The following ADAM12 variants were observed in gnomAD, a reference collection of about 807,000 sequenced individuals.
ADAM12 encodes ADAM metallopeptidase domain 12, also known as disintegrin and metalloproteinase domain-containing protein 12.
A neutral mutation model predicts 106.4 loss-of-function variants in ADAM12; 70 were observed. That is an observed-to-expected ratio of 0.66 (90% CI 0.54 to 0.80). ADAM12 has a LOEUF of 0.80. ADAM12 is among the 30% of genes least tolerant of loss of function. The pLI is 0.00. For synonymous variants in ADAM12, 420 were observed against 433.5 expected (o/e 0.97, Z 0.39); for missense variants, 1,010 against 1,171.9 (o/e 0.86, Z 2.02).
chr10:126,062,073 C>G (rs1954768425), intron 14 of ADAM12, among the ~76,000 whole-genome samples: 1 of 152,040 alleles, frequency 6.6e-6, no homozygotes, highest in Middle Eastern at 3.2e-3. Context: ...CCAAGGAAGT[C>G]TGTATAATGA....
At chr10:126,032,546 C>A (rs1013934705) in intron 21 of ADAM12, among the ~76,000 whole-genome samples, 1 of 152,140 alleles carries the variant, frequency 6.6e-6, no homozygotes, top group Non-Finnish European at 1.5e-5. Flanking sequence ...GAAAAAAACA[C>A]CAGCAGTAGG....
Position 126,304,544 on chromosome 10 carries a change from A to G in ADAM12, c.187-25556T>C, listed in dbSNP as rs1160190637. Among the ~76,000 whole-genome samples, 3 of 152,282 alleles carry G rather than the reference A, an allele frequency of 2.0e-5. No homozygotes were observed. In the East Asian group the frequency reaches 5.8e-4, roughly 29 times the overall value. On this transcript the variant is annotated intron_variant, in intron 2 of 22. Transcript: ENST00000448723. ...AAACCCACTATAAGTATAACAATGC[A>G]TATAGATTAAAACTGAAAGAGCAAA...
chr10:126,187,552 G>A (rs1957422543), intron 3 of ADAM12, among the ~76,000 whole-genome samples: 2 of 152,194 alleles, frequency 1.3e-5, no homozygotes, highest in South Asian at 4.1e-4. Context: ...CCAGGTCGGT[G>A]TTGTGGGATG....
At chr10:126,222,134 T>C (rs1433645619) in intron 3 of ADAM12, among the ~76,000 whole-genome samples, 1 of 152,224 alleles carries the variant, frequency 6.6e-6, no homozygotes, top group Non-Finnish European at 1.5e-5. Flanking sequence ...GCACCGTTCT[T>C]CTCTGGAAGG....
At chr10:126,170,108 A>AAGCC (rs777312634) in intron 3 of ADAM12, among the ~76,000 whole-genome samples, 125 of 152,336 alleles carry the variant, frequency 8.2e-4, no homozygotes, top group African/African-American at 1.4e-3. Context: ...GCCGTGGCGG[A>AAGCC]AGCCAGCCAG....
At chr10:126,291,734 G>C (rs115216271) in intron 2 of ADAM12, among the ~76,000 whole-genome samples, 2,296 of 152,230 alleles carry the variant, frequency 0.015, 59 homozygotes, top group African/African-American at 0.052. Context: ...CAGGGCTCGG[G>C]GGGTGATGGA....
intron 3 of ADAM12, among the ~76,000 whole-genome samples, chr10:126,159,647 C>T (rs1005276783): frequency 3.3e-5 from 5 of 151,998 alleles, no homozygotes; most frequent in African/African-American, 4.8e-5. Context: ...AGTCATTTTA[C>T]GTATGAGGGA....
intron 1 of ADAM12, among the ~76,000 whole-genome samples, chr10:126,369,306 G>C: frequency 6.6e-6 from 1 of 152,282 alleles, no homozygotes; most frequent in East Asian, 1.9e-4. Context: ...CTAGGCACGG[G>C]GGACCCAACA....
intron 3 of ADAM12, among the ~76,000 whole-genome samples, chr10:126,237,831 G>C (rs1229843398): frequency 1.3e-5 from 2 of 152,158 alleles, no homozygotes; most frequent in Non-Finnish European, 2.9e-5. Flanking sequence ...TCCAGCCCTA[G>C]AGTGATGGGG....
At chr10:126,068,042 A>C (rs758039557) in intron 12 of ADAM12, among the ~76,000 whole-genome samples, 2 of 152,172 alleles carry the variant, frequency 1.3e-5, no homozygotes, top group Non-Finnish European at 2.9e-5. Flanking sequence ...AAAGTTATTA[A>C]ATTTTAAATT....
chr10:126,177,012 G>C (rs1389767725), intron 3 of ADAM12, among the ~76,000 whole-genome samples: 1 of 151,076 alleles, frequency 6.6e-6, no homozygotes, highest in East Asian at 2.0e-4. Flanking sequence ...AAGCAGGAGT[G>C]TGCCAAAGTG....
chr10:126,129,543 G>C (rs974314447), intron 5 of ADAM12, among the ~76,000 whole-genome samples: 1 of 152,182 alleles, frequency 6.6e-6, no homozygotes, highest in Admixed American at 6.5e-5. Flanking sequence ...TCATGGCTGT[G>C]CCTCCAGGCT....
chr10:126,280,376 T>C (rs937322552), intron 2 of ADAM12, among the ~76,000 whole-genome samples: 4 of 152,216 alleles, frequency 2.6e-5, no homozygotes, highest in Admixed American at 1.3e-4. Context: ...TGGTAGCCAT[T>C]AGCCGCATAT....
chr10:126,306,863 T>C (rs1224733256), intron 2 of ADAM12, among the ~76,000 whole-genome samples: 1 of 152,224 alleles, frequency 6.6e-6, no homozygotes, highest in Non-Finnish European at 1.5e-5. Context: ...TTTACTCTAA[T>C]TGGGGCTAAA....
chr10:126,057,706 C>G (rs1278261), intron 14 of ADAM12, among the ~76,000 whole-genome samples: 58,318 of 151,982 alleles, frequency 0.38, 11,858 homozygotes, highest in East Asian at 0.51. Context: ...CCTTCCAGAA[C>G]CACACACTGG....
intron 4 of ADAM12, among the ~76,000 whole-genome samples, chr10:126,154,590 C>T (rs1255938741): frequency 6.6e-6 from 1 of 152,154 alleles, no homozygotes; most frequent in Non-Finnish European, 1.5e-5. Flanking sequence ...TCCTCCTTCC[C>T]AGAGGGCAGT....
At chr10:126,118,261 A>T in intron 5 of ADAM12, 37 bp from the exon 6 acceptor site, 1 of 1,502,156 alleles carries the variant, frequency 6.7e-7, no homozygotes, top group South Asian at 1.2e-5. Context: ...ATATAATTTT[A>T]AGGACAGCTT....
intron 19 of ADAM12, among the ~76,000 whole-genome samples, chr10:126,038,688 T>C (rs1409471951): frequency 6.6e-6 from 1 of 152,188 alleles, no homozygotes; most frequent in Non-Finnish European, 1.5e-5. Context: ...AATATTTCAA[T>C]GTCTCCATGT....
At chr10:126,224,989 T>C (rs1230905354) in intron 3 of ADAM12, among the ~76,000 whole-genome samples, 4 of 152,242 alleles carry the variant, frequency 2.6e-5, no homozygotes, top group Non-Finnish European at 1.5e-5. Flanking sequence ...TCACAGATAC[T>C]GCTCCTGCCG....
Sources: gnomAD v4.1 joint callset for allele counts (sites outside exome capture counted in the v4.1 genomes callset) on GRCh38, gnomAD v4.1.1 for gene constraint, MANE v1.5 for transcripts, NCBI Gene and HGNC (gene_info 2026-07-23, HGNC 2026-07-21) for gene names.